Variants in PCDHA4 observed in about 807,000 individuals in gnomAD.
PCDHA4 encodes protocadherin alpha 4, also known as protocadherin alpha-4.
A neutral mutation model predicts 61.4 loss-of-function variants in PCDHA4; 49 were observed. The observed-to-expected ratio is 0.80, with a 90% CI of 0.63 to 1.01. The LOEUF is 1.01. Ranked by LOEUF, PCDHA4 falls within the 50% of genes least tolerant of loss-of-function variation. PCDHA4 has a pLI of 0.00. For missense variants in PCDHA4, 1,254 were observed against 1,235.8 expected (o/e 1.01, Z -0.22); for synonymous variants, 590 against 550.3 (o/e 1.07, Z -1.01).
intron 1 of PCDHA4, among the ~76,000 whole-genome samples, chr5:140,906,693 G>A (rs887867103): frequency 6.6e-6 from 1 of 152,082 alleles, no homozygotes; most frequent in African/African-American, 2.4e-5. Context: ...GAAGGATCTG[G>A]GCCATTTGTA....
intron 1 of PCDHA4, among the ~76,000 whole-genome samples, chr5:140,832,761 A>T (rs1003830493): frequency 6.6e-5 from 10 of 152,344 alleles, no homozygotes; most frequent in African/African-American, 2.4e-4. Flanking sequence ...AAAAGCAAGA[A>T]TATTGTAAGA....
At chr5:140,845,056 T>C (rs2150376144) in intron 1 of PCDHA4, among the ~76,000 whole-genome samples, 2 of 149,620 alleles carry the variant, frequency 1.3e-5, no homozygotes, top group South Asian at 2.1e-4. Context: ...CAACTGAAGG[T>C]AACCTCAAAG....
Position 140,841,358 on chromosome 5 carries a change from C to T in PCDHA4, c.2385+31786C>T, listed in dbSNP as rs2150314140. 4 of 1,612,986 alleles carry T rather than the reference C, an allele frequency of 2.5e-6. No individual in the cohort carries two copies. In the South Asian group the frequency reaches 4.4e-5, roughly 18 times the overall value. ...CTGGCGAGGAGAGCTGGGATCCTGG[C>T]GACTACTACTCTTGCTTCTGCTCCT... On this transcript the variant is annotated intron_variant, in intron 1 of 3. Transcript: ENST00000530339.
chr5:140,846,369 CTTTCTTTTT>C lies in PCDHA4; in HGVS notation c.2385+36801_2385+36809del, dbSNP rs1780378875. Among the ~76,000 whole-genome samples the C allele has an allele frequency of 1.9e-4, 19 of 102,176 alleles. 2 individuals are homozygous for C. In the South Asian group the frequency reaches 2.3e-3, roughly 12 times the overall value. The allele number at this position is 102,176 out of a possible 152,430, so 67.0% of individuals were successfully genotyped here. On this transcript the variant is annotated intron_variant, in intron 1 of 3. Transcript: ENST00000530339. ...TTCTCTTTTTTCTTTTCTTTTCTTT[CTTTCTTTTT>C]TTTTTTTTTTTTTTGAGACGGAGTC...
At chr5:140,966,710 G>C in intron 1 of PCDHA4, 1 of 1,391,664 alleles carries the variant, frequency 7.2e-7, no homozygotes, top group African/African-American at 1.5e-5. Context: ...GTGGGGCACG[G>C]CTGGGGAAGC....
rs150405058 is a variant in PCDHA4, at chr5:140,808,762, C to T, written c.1575C>T (p.His525=). 8 of 1,612,224 alleles carry T rather than the reference C, an allele frequency of 5.0e-6. No individual in the cohort carries two copies. The highest frequency in any genetic ancestry group is 1.3e-5 in the African/African-American group (1 of 75,006). Residue 525 remains histidine, a synonymous_variant, in exon 1 of 4, where the codon CAC becomes CAT. Coordinates refer to ENST00000530339, the MANE Select transcript of PCDHA4 (RefSeq NM_018907.4). Reference sequence around the variant, plus strand: ...TGTACGCGCTGCAGCCGCTGGACCACGAGGAGCTAGAGCTGCTGCAGTTTC... The same window carrying T: ...TGTACGCGCTGCAGCCGCTGGACCATGAGGAGCTAGAGCTGCTGCAGTTTC... The part of the protein sequence containing the change: ...GKVYALQPLD[H]EELELLQFQV...
chr5:140,968,635 T>C, intron 1 of PCDHA4: 1 of 1,614,190 alleles, frequency 6.2e-7, no homozygotes, highest in East Asian at 2.2e-5. Context: ...TTTTTTACCA[T>C]CTAGCCCAGA....
At position 140,903,777 on chromosome 5, in the gene PCDHA4, T is replaced by C. The variant is rs80247548; in HGVS notation, c.2386-75172T>C. On this transcript the variant is annotated intron_variant, in intron 1 of 3. Transcript: ENST00000530339. ...GATTTTTGCTGAACTTTTCTATCCA[T>C]AAACTATCTATGGTTGTAATTGACA... 8.0e-3 allele frequency among the ~76,000 whole-genome samples: 1,216 copies of C among 152,334 alleles called. 6 individuals are homozygous for C. The highest frequency in any genetic ancestry group is 0.019 in the African/African-American group (784 of 41,582).
rs201090787 is a variant in PCDHA4, at chr5:140,876,840, G to A, written c.2385+67268G>A. On this transcript the variant is annotated intron_variant, in intron 1 of 3. Coordinates refer to ENST00000530339, the MANE Select transcript of PCDHA4 (RefSeq NM_018907.4). Reference sequence around the variant, plus strand: ...TGAACGACAATGCGCCTGCGTTCGCGCAGCCCGAGTACACAGTGTTCGTGA... The same window carrying A: ...TGAACGACAATGCGCCTGCGTTCGCACAGCCCGAGTACACAGTGTTCGTGA... 2.5e-6 allele frequency: 4 copies of A among 1,614,166 alleles called. No homozygotes were observed. In the East Asian group the frequency reaches 6.7e-5, roughly 27 times the overall value.
intron 1 of PCDHA4, chr5:140,883,519 C>A: frequency 6.2e-7 from 1 of 1,614,190 alleles, no homozygotes; most frequent in Non-Finnish European, 8.5e-7. Flanking sequence ...ACCGCGAGAG[C>A]GTATCAGCCT....
At chr5:140,953,546 T>G (rs2094902084) in intron 1 of PCDHA4, among the ~76,000 whole-genome samples, 1 of 152,136 alleles carries the variant, frequency 6.6e-6, no homozygotes, top group African/African-American at 2.4e-5. Context: ...ATGCTGATTC[T>G]TTTCTCCAAG....
At chr5:140,854,143 C>CA (rs1554147026) in intron 1 of PCDHA4, 3 of 432,586 alleles carry the variant, frequency 6.9e-6, no homozygotes, top group Non-Finnish European at 8.7e-6. Flanking sequence ...GCCCGGGTGA[C>CA]AGCAAGATTC....
intron 1 of PCDHA4, chr5:140,835,881 G>C (rs2150247324): frequency 1.2e-6 from 2 of 1,612,004 alleles, no homozygotes; most frequent in South Asian, 2.2e-5. Flanking sequence ...GCTGCGGGTG[G>C]GCGAGCGCGC....
rs1226145828 is a variant in PCDHA4 at position 140,807,982 on chromosome 5, C to A, written c.795C>A (p.Asn265Lys). 6.2e-7 allele frequency: 1 copy of A among 1,613,314 alleles called. No individual in the cohort carries two copies. The highest frequency in any genetic ancestry group is 8.5e-7 in the Non-Finnish European group (1 of 1,179,408). ...VPNGTLVIKL[N>K]ASDLDEGLNG... is the part of the protein sequence containing the mutation. ...ATGGAACATTGGTAATTAAACTTAA[C>A]GCCTCAGATTTAGACGAAGGATTGA... Residue 265 changes from asparagine (N) to lysine (K), a missense_variant, in exon 1 of 4, where the codon AAC (asparagine) becomes AAA (lysine). By Grantham distance (94) the Asn-to-Lys change is moderately conservative. Coordinates refer to ENST00000530339, the MANE Select transcript of PCDHA4 (RefSeq NM_018907.4).
At chr5:140,886,923 A>G (rs2061226884) in intron 1 of PCDHA4, among the ~76,000 whole-genome samples, 1 of 151,812 alleles carries the variant, frequency 6.6e-6, no homozygotes, top group Non-Finnish European at 1.5e-5. Context: ...AGTGTTCTCT[A>G]TGTGCCAGGC....
intron 3 of PCDHA4, among the ~76,000 whole-genome samples, chr5:141,002,433 A>G (rs2098079655): frequency 6.6e-6 from 1 of 152,258 alleles, no homozygotes; most frequent in East Asian, 1.9e-4. Context: ...ACAGGCAATA[A>G]CCATAATAAT....
chr5:140,900,927 G>A (rs2068371563), intron 1 of PCDHA4, among the ~76,000 whole-genome samples: 2 of 152,056 alleles, frequency 1.3e-5, no homozygotes, highest in South Asian at 4.1e-4. Context: ...ATATCTCATT[G>A]TAGTTTTGAT....
chr5:140,823,307 C>T lies in PCDHA4; in HGVS notation c.2385+13735C>T, dbSNP rs1581794358. ...CTGTCGAGTTACGTTTCGGTGCACG[C>T]GGAGAGCGGCAAGGTGTACGCGCTG... On this transcript the variant is annotated intron_variant, in intron 1 of 3. Transcript: ENST00000530339. 7 of 1,612,266 alleles carry T rather than the reference C, an allele frequency of 4.3e-6. No homozygotes were observed. In the East Asian group the frequency reaches 8.9e-5, roughly 21 times the overall value.
chr5:140,837,063 T>G, intron 1 of PCDHA4: 1 of 187,816 alleles, frequency 5.3e-6, no homozygotes, highest in South Asian at 1.4e-4. Flanking sequence ...TTCCATATTT[T>G]GATAATCAAT....
Sources: allele counts gnomAD v4.1 joint callset (sites outside exome capture counted in the v4.1 genomes callset), GRCh38; gene constraint gnomAD v4.1.1; transcripts MANE v1.5; gene names NCBI Gene and HGNC (gene_info 2026-07-23, HGNC 2026-07-21).